The following ZNF611 variants were observed in gnomAD, a reference collection of about 807,000 sequenced individuals.
The protein encoded by ZNF611 is zinc finger protein 611.
Under a neutral mutation model 8.9 loss-of-function variants are expected in ZNF611, and 6 were observed. That is an observed-to-expected ratio of 0.68 (90% CI 0.37 to 1.34). ZNF611 has a LOEUF of 1.34. ZNF611 is among the 40% of genes most tolerant of loss of function. The pLI, the probability that ZNF611 is intolerant of heterozygous loss-of-function variation, is 0.02. For missense variants in ZNF611, 874 were observed against 841.3 expected, an observed-to-expected ratio of 1.04 and a Z score of -0.48; for synonymous variants, 262 against 279.7, an observed-to-expected ratio of 0.94 and a Z score of 0.63.
At chr19:52,727,265 GAGAA>G (rs61227606) in intron 3 of ZNF611, among the ~76,000 whole-genome samples, 5,587 of 152,182 alleles carry the variant, frequency 0.037, 306 homozygotes, top group African/African-American at 0.12. Flanking sequence ...GATGATAATA[GAGAA>G]AGAAAGAATA....
At chr19:52,727,872 A>G (rs2062401969) in intron 3 of ZNF611, among the ~76,000 whole-genome samples, 1 of 149,108 alleles carries the variant, frequency 6.7e-6, no homozygotes, top group Non-Finnish European at 1.5e-5. Flanking sequence ...TTAATTTCCT[A>G]CTGAGACACA....
In ZNF611 at chr19:52,727,940, C is replaced by T. The variant is rs1357678421; in HGVS notation, c.-20+790G>A. On this transcript the variant is annotated intron_variant, in intron 3 of 5. Coordinates refer to ENST00000652185, the MANE Select transcript of ZNF611 (RefSeq NM_001161499.2). ...TTTTTTTTTTTTTGAGACGGAGTCTCGCTTTGTTGCCCAGGCTGCAGTGCA... is the reference window on the plus strand; with the variant it reads ...TTTTTTTTTTTTTGAGACGGAGTCTTGCTTTGTTGCCCAGGCTGCAGTGCA... 5.8e-5 allele frequency among the ~76,000 whole-genome samples: 8 copies of T among 138,204 alleles called. No homozygotes were observed. In the East Asian group the frequency reaches 1.5e-3, roughly 26 times the overall value. The allele number at this position is 138,204 out of a possible 152,430, so 90.7% of individuals were successfully genotyped here.
Position 52,706,433 on chromosome 19 carries a change from A to G in ZNF611, c.622T>C (p.Tyr208His), listed in dbSNP as rs775793287. The change falls in exon 6 of 6, where the codon TAT becomes CAT. Residue 208 changes from tyrosine (Y) to histidine (H), a missense_variant. Coordinates refer to ENST00000652185, the MANE Select transcript of ZNF611 (RefSeq NM_001161499.2). ...CRPQTQISNNYGNNPLNSSLL... is the reference protein window; with the variant it reads ...CRPQTQISNNHGNNPLNSSLL... ...GAAGAATTCAGGGGATTATTCCCAT[A>G]GTTATTAGAAATCTGGGTTTGGGGC... 11 of 1,614,050 alleles carry G rather than the reference A, an allele frequency of 6.8e-6. No homozygotes were observed. The Admixed American group carries it at 1.8e-4, about 27-fold the overall frequency.
intron 1 of ZNF611, among the ~76,000 whole-genome samples, chr19:52,732,900 G>A (rs192581505): frequency 1.3e-3 from 204 of 152,188 alleles, no homozygotes; most frequent in Admixed American, 2.8e-3. Flanking sequence ...GCTGCAGTTA[G>A]AGGAGATCAC....
intron 3 of ZNF611, among the ~76,000 whole-genome samples, chr19:52,718,111 A>G (rs1269054606): frequency 2.0e-5 from 3 of 152,004 alleles, no homozygotes; most frequent in Non-Finnish European, 4.4e-5. Flanking sequence ...TTGGGAGGCC[A>G]GGGCATGATC....
rs1238721037 is a variant in ZNF611 at position 52,727,413 on chromosome 19, C to T, written c.-20+1317G>A. 3.3e-5 allele frequency among the ~76,000 whole-genome samples: 5 copies of T among 152,222 alleles called. No individual in the cohort carries two copies. The East Asian group carries it at 9.7e-4, about 29-fold the overall frequency. Reference sequence around the variant, plus strand: ...ATTTAGTACATGTTTTCAAGATAAACACTAATCAGTCCTCAGGGAAGAGGA... The same window carrying T: ...ATTTAGTACATGTTTTCAAGATAAATACTAATCAGTCCTCAGGGAAGAGGA... On this transcript the variant is annotated intron_variant, in intron 3 of 5. Coordinates refer to ENST00000652185, the MANE Select transcript of ZNF611 (RefSeq NM_001161499.2).
At chr19:52,710,125 A>G (rs1484324937) in intron 5 of ZNF611, among the ~76,000 whole-genome samples, 1 of 151,926 alleles carries the variant, frequency 6.6e-6, no homozygotes, top group East Asian at 1.9e-4. Context: ...TTCATCACCC[A>G]GGCTGGAGTG....
chr19:52,717,880 T>C (rs2062328144), intron 3 of ZNF611, among the ~76,000 whole-genome samples: 1 of 152,188 alleles, frequency 6.6e-6, no homozygotes, highest in Non-Finnish European at 1.5e-5. Context: ...AACCTAAAAT[T>C]ATATATCACG....
At chr19:52,717,623 G>C (rs1171717347) in intron 3 of ZNF611, 1 of 928,542 alleles carries the variant, frequency 1.1e-6, no homozygotes, top group African/African-American at 1.8e-5. Context: ...CTGAGCAAAT[G>C]CTTTTCTCAT....
chr19:52,726,831 G>C (rs2062396608), intron 3 of ZNF611, among the ~76,000 whole-genome samples: 1 of 151,304 alleles, frequency 6.6e-6, no homozygotes, highest in Non-Finnish European at 1.5e-5. Flanking sequence ...GCACGTTTGT[G>C]AAAGAGATCA....
chr19:52,709,728 C>T (rs377484404), intron 5 of ZNF611, among the ~76,000 whole-genome samples: 16 of 151,974 alleles, frequency 1.1e-4, no homozygotes, highest in Non-Finnish European at 1.5e-4. Context: ...CCACCACTCC[C>T]GGCTAATTTT....
At position 52,712,083 on chromosome 19, in the gene ZNF611, C is replaced by G. The variant is rs140116385; in HGVS notation, c.190+1932G>C. 2.9e-3 allele frequency among the ~76,000 whole-genome samples: 446 copies of G among 152,148 alleles called. 2 individuals are homozygous for G. The highest frequency in any genetic ancestry group is 0.01 in the African/African-American group (430 of 41,498). On this transcript the variant is annotated intron_variant, in intron 5 of 5. Transcript: ENST00000652185. ...GGCAAGGGACAAGAATGAAAGAGAT[C>G]CAACAATGCAGCAGTACGGTGGCCT...
chr19:52,706,177 C>T lies in ZNF611; in HGVS notation c.878G>A (p.Gly293Asp). The T allele has an allele frequency of 1.2e-6, 2 of 1,614,098 alleles. No homozygotes were observed. Among genetic ancestry groups the T allele is most frequent in the Non-Finnish European group, 1.7e-6 (2 of 1,179,972 alleles). The change falls in exon 6 of 6, where the codon GGC (glycine) becomes GAC (aspartate). Residue 293 changes from glycine to aspartate, a missense_variant. By Grantham distance (94) the Gly-to-Asp change is moderately conservative (BLOSUM62 -1). Transcript: ENST00000652185. ...VEKPYKCKEC[G>D]KTFSQESSLT... ...GGATGACTCCTGACTGAAGGTCTTGCCACACTCTTTACACTTGTAAGGTTT... is the reference window on the plus strand; with the variant it reads ...GGATGACTCCTGACTGAAGGTCTTGTCACACTCTTTACACTTGTAAGGTTT...
intron 3 of ZNF611, among the ~76,000 whole-genome samples, chr19:52,726,113 A>C (rs956502264): frequency 6.6e-6 from 1 of 152,144 alleles, no homozygotes; most frequent in Non-Finnish European, 1.5e-5. Context: ...CTCCCTTTCT[A>C]TTCTCCATTC....
At position 52,705,857 on chromosome 19, in the gene ZNF611, A is replaced by G. The variant is rs1189327075; in HGVS notation, c.1198T>C (p.Cys400Arg). 6.2e-7 allele frequency: 1 copy of G among 1,614,090 alleles called. No individual in the cohort carries two copies. The highest frequency in any genetic ancestry group is 1.7e-5 in the Admixed American group (1 of 60,016). Residue 400 changes from cysteine to arginine, a missense_variant, in exon 6 of 6, where the codon TGT (cysteine) becomes CGT (arginine). Coordinates refer to ENST00000652185, the MANE Select transcript of ZNF611 (RefSeq NM_001161499.2). ...RIHTGEKPYRCKVCDTAFTWH... is the reference protein window; with the variant it reads ...RIHTGEKPYRRKVCDTAFTWH... ...GTGAAAGCTGTGTCACAAACCTTAC[A>G]TCTGTATGGTTTCTCTCCAGTATGA... is the stretch of plus-strand genomic sequence containing the variant.
At chr19:52,713,292 C>T (rs1309449363) in intron 5 of ZNF611, among the ~76,000 whole-genome samples, 1 of 152,212 alleles carries the variant, frequency 6.6e-6, no homozygotes, top group Non-Finnish European at 1.5e-5. Context: ...ATGGAAACCT[C>T]ATTCAACCTC....
At chr19:52,727,121 C>T (rs760397126) in intron 3 of ZNF611, among the ~76,000 whole-genome samples, 1 of 151,982 alleles carries the variant, frequency 6.6e-6, no homozygotes, top group Non-Finnish European at 1.5e-5. Context: ...CTGCCTTGGC[C>T]TCCCAAAGTG....
intron 1 of ZNF611, among the ~76,000 whole-genome samples, chr19:52,734,182 CTTAGG>C (rs1467257477): frequency 1.7e-5 from 2 of 118,688 alleles, no homozygotes; most frequent in Non-Finnish European, 3.4e-5. Context: ...CTCCTGCTTT[CTTAGG>C]TTTTTTTTTT....
intron 3 of ZNF611, among the ~76,000 whole-genome samples, chr19:52,722,994 G>A (rs2062369717): frequency 7.0e-6 from 1 of 142,036 alleles, no homozygotes; most frequent in South Asian, 2.3e-4. Flanking sequence ...CAATCTCTCT[G>A]TCCCAGTCTC....
Sources: gnomAD v4.1 joint callset for allele counts (sites outside exome capture counted in the v4.1 genomes callset) on GRCh38, gnomAD v4.1.1 for gene constraint, MANE v1.5 for transcripts, NCBI Gene and HGNC (gene_info 2026-07-23, HGNC 2026-07-21) for gene names.